Variants in F13B observed in about 807,000 individuals in gnomAD.
The protein encoded by F13B is coagulation factor XIII B chain.
Under a neutral mutation model 79.8 loss-of-function variants are expected in F13B, and 58 were observed. The ratio of observed to expected loss-of-function variants is 0.73; its 90% confidence interval spans 0.59 to 0.90. The LOEUF (loss-of-function observed/expected upper bound fraction) is 0.90. Among genes scored for constraint, F13B ranks in the 40% least tolerant of loss-of-function variants. The pLI, the probability that F13B is intolerant of heterozygous loss-of-function variation, is 0.00. For synonymous variants in F13B, 283 were observed against 260.3 expected (o/e 1.09, Z -0.84); for missense variants, 773 against 777.0 (o/e 0.99, Z 0.06).
chr1:197,049,997 A>G (rs950843506), intron 10 of F13B, among the ~76,000 whole-genome samples: 1 of 152,150 alleles, frequency 6.6e-6, no homozygotes, highest in African/African-American at 2.4e-5. Flanking sequence ...ACTTTCGGCA[A>G]AATAGAAAGA....
intron 9 of F13B, 27 bp downstream of exon 9, chr1:197,052,607 T>C: frequency 6.5e-7 from 1 of 1,537,570 alleles, no homozygotes; most frequent in Non-Finnish European, 9.0e-7. Context: ...CAAGTAAAGA[T>C]ACTTGCAGAG....
At position 197,052,763 on chromosome 1, in the gene F13B, C is replaced by G. The variant is rs371988090; in HGVS notation, c.1426G>C (p.Val476Leu). ...AAATCTATTAAATCTCCATGTAAGA[C>G]TTTCCCTTCATATTTCCACTTCATT... The part of the protein sequence containing the change: ...IEMKWKYEGK[V>L]LHGDLIDFVC... The change falls in exon 9 of 12, where the codon GTC becomes CTC. Residue 476 changes from valine to leucine, a missense_variant. Transcript: ENST00000367412. 1 of 1,610,034 alleles carries G rather than the reference C, an allele frequency of 6.2e-7. No individual in the cohort carries two copies. Among genetic ancestry groups the G allele is most frequent in the African/African-American group, 1.3e-5 (1 of 74,914 alleles).
chr1:197,050,977 G>T, intron 9 of F13B, 98 bp from the exon 10 acceptor site: 3 of 1,033,746 alleles, frequency 2.9e-6, no homozygotes, highest in South Asian at 2.7e-5. Flanking sequence ...TGTCACCCAG[G>T]CTGGAGTATG....
At chr1:197,052,080 C>T (rs1346956029) in intron 9 of F13B, among the ~76,000 whole-genome samples, 2 of 152,044 alleles carry the variant, frequency 1.3e-5, no homozygotes, top group African/African-American at 4.8e-5. Flanking sequence ...TTGGCATTTT[C>T]GTCATTAAGT....
At position 197,040,568 on chromosome 1, in the gene F13B, A is replaced by G; in HGVS notation, c.1906T>C (p.Cys636Arg). 1.2e-6 allele frequency: 2 copies of G among 1,613,096 alleles called. No homozygotes were observed. Among genetic ancestry groups the G allele is most frequent in the East Asian group, 4.5e-5 (2 of 44,778 alleles). ...GGATATTTTAACTGCCCTCTGTCAC[A>G]TTGCATTCTAAGTATAGATCCAGTA... ...YITGSILRMQCDRGQLKYPRC... is the reference protein window; with the variant it reads ...YITGSILRMQRDRGQLKYPRC... The change falls in exon 11 of 12, where the codon TGT becomes CGT. Residue 636 changes from cysteine (C) to arginine (R), a missense_variant. Cys to Arg is a radical substitution (Grantham distance 180). Transcript: ENST00000367412.
intron 9 of F13B, among the ~76,000 whole-genome samples, 171 bp downstream of exon 9, chr1:197,052,463 C>CCTGCACATT (rs200141538): frequency 0.014 from 2,167 of 151,792 alleles, 51 homozygotes; most frequent in African/African-American, 0.049. Flanking sequence ...ATGTAACAAA[C>CCTGCACATT]CTGCACATTC....
rs998235231 is a variant in F13B, at chr1:197,052,562, T to C, written c.1555+72A>G. ...TAATAAGAAAAATAGCAACAAACTATAAATAAATTTTCAACCGAGGTAGCA... is the reference window on the plus strand; with the variant it reads ...TAATAAGAAAAATAGCAACAAACTACAAATAAATTTTCAACCGAGGTAGCA... On this transcript the variant is annotated intron_variant, in intron 9 of 11. Coordinates refer to ENST00000367412, the MANE Select transcript of F13B (RefSeq NM_001994.3). 5.2e-5 allele frequency: 50 copies of C among 969,344 alleles called. No individual in the cohort carries two copies. In the East Asian group the frequency reaches 1.2e-3, roughly 24 times the overall value. The allele number at this position is 969,344 out of a possible 1,614,324, so 60.0% of individuals were successfully genotyped here.
At position 197,057,459 on chromosome 1, in the gene F13B, CT is replaced by C; in HGVS notation, c.811del (p.Arg271GlufsTer11). ...CAGAGGTGGAGGAGGACATCTGTTT[CT>C]TCTTCCTTATGGAAAAAATTAATCA... ...YPESPVCEGRRNRCPPPPLPI... is the reference protein window; with the variant it reads ...YPESPVCEGRXNRCPPPPLPI... On this transcript the variant is annotated frameshift_variant, in exon 6 of 12. Coordinates refer to ENST00000367412, the MANE Select transcript of F13B (RefSeq NM_001994.3). LOFTEE classifies it high-confidence loss of function. 1.2e-6 allele frequency: 2 copies of C among 1,613,688 alleles called. No homozygotes were observed. The highest frequency in any genetic ancestry group is 1.7e-6 in the Non-Finnish European group (2 of 1,179,784).
At chr1:197,050,624 G>A in intron 10 of F13B, 73 bp downstream of exon 10, 1 of 1,347,042 alleles carries the variant, frequency 7.4e-7, no homozygotes, top group Non-Finnish European at 1.0e-6. Flanking sequence ...TTAGTGTTAT[G>A]TTAACTCAAA....
chr1:197,049,072 A>G (rs1655346243), intron 10 of F13B, among the ~76,000 whole-genome samples: 1 of 152,018 alleles, frequency 6.6e-6, no homozygotes, highest in Non-Finnish European at 1.5e-5. Flanking sequence ...GCTGAATGAC[A>G]GTAAAAATCC....
At chr1:197,056,789 A>T (rs1655655543) in intron 7 of F13B, among the ~76,000 whole-genome samples, 1 of 152,202 alleles carries the variant, frequency 6.6e-6, no homozygotes, top group Admixed American at 6.6e-5. Context: ...TTCAAAAAAA[A>T]CTTTTGTTTA....
At chr1:197,049,169 A>G (rs890153125) in intron 10 of F13B, among the ~76,000 whole-genome samples, 5 of 152,014 alleles carry the variant, frequency 3.3e-5, no homozygotes, top group African/African-American at 1.2e-4. Flanking sequence ...AAAAATATAA[A>G]TGCTGAAAAT....
intron 9 of F13B, among the ~76,000 whole-genome samples, chr1:197,051,616 T>C (rs1266187836): frequency 6.6e-6 from 1 of 152,120 alleles, no homozygotes; most frequent in Non-Finnish European, 1.5e-5. Flanking sequence ...TTCATAAAAT[T>C]GACTTATTGG....
chr1:197,049,679 G>A (rs999869315), intron 10 of F13B, among the ~76,000 whole-genome samples: 5 of 152,000 alleles, frequency 3.3e-5, no homozygotes, highest in Non-Finnish European at 7.4e-5. Flanking sequence ...CAGAAAAGAC[G>A]GAACACTTCC....
intron 1 of F13B, among the ~76,000 whole-genome samples, chr1:197,065,117 TAA>T: frequency 6.6e-6 from 1 of 152,174 alleles, no homozygotes; most frequent in Non-Finnish European, 1.5e-5. Flanking sequence ...GAATTTACAA[TAA>T]AAAGAGTCTT....
chr1:197,063,640 G>A (rs561129601), intron 1 of F13B, among the ~76,000 whole-genome samples: 6 of 152,106 alleles, frequency 3.9e-5, no homozygotes, highest in African/African-American at 1.4e-4. Context: ...TAATAGATAT[G>A]TATTGTAAGT....
At position 197,039,228 on chromosome 1, in the gene F13B, T is replaced by C; in HGVS notation, c.*150A>G. ...TTAGACATTTATTGGTTTTCATTTA[T>C]AAATAACGAAATGTTCAGCACAAAT... On this transcript the variant is annotated 3_prime_UTR_variant, in exon 12 of 12. Transcript: ENST00000367412. 2 of 669,254 alleles carry C rather than the reference T, an allele frequency of 3.0e-6. No homozygotes were observed. The highest frequency in any genetic ancestry group is 1.9e-5 in the South Asian group (1 of 52,088). The allele number at this position is 669,254 out of a possible 1,614,324, so 41.5% of individuals were successfully genotyped here. A position where few individuals can be genotyped will look rare whatever the true frequency, so the allele number is the denominator to read the frequency against.
chr1:197,049,565 C>G (rs1282727297), intron 10 of F13B, among the ~76,000 whole-genome samples: 1 of 152,032 alleles, frequency 6.6e-6, no homozygotes, highest in African/African-American at 2.4e-5. Context: ...TTAAACAAAT[C>G]GAAGCTGTCA....
rs78146057 is a variant in F13B at position 197,048,661 on chromosome 1, T to C, written c.1738+2036A>G. ...AAATGGACAGAACTAAAATTAGTAA[T>C]GTTTTAAAATGCCAAGTGAGACTTT... On this transcript the variant is annotated intron_variant, in intron 10 of 11. Coordinates refer to ENST00000367412, the MANE Select transcript of F13B (RefSeq NM_001994.3). Among the ~76,000 whole-genome samples, 30 of 152,260 alleles carry C rather than the reference T, an allele frequency of 2.0e-4. 2 individuals are homozygous for C. The East Asian group carries it at 5.8e-3, about 29-fold the overall frequency.
Sources: gnomAD v4.1 joint callset for allele counts (sites outside exome capture counted in the v4.1 genomes callset) on GRCh38, gnomAD v4.1.1 for gene constraint, MANE v1.5 for transcripts, NCBI Gene and HGNC (gene_info 2026-07-23, HGNC 2026-07-21) for gene names.